NRG3: variants seen among roughly 807,000 people sequenced by gnomAD.
NRG3 encodes the protein pro-neuregulin-3, membrane-bound isoform.
Under a neutral mutation model 66.9 loss-of-function variants are expected in NRG3, and 31 were observed. That is an observed-to-expected ratio of 0.46 (90% confidence interval 0.35 to 0.63). NRG3 has a LOEUF of 0.63. Among genes scored for constraint, NRG3 ranks in the 20% least tolerant of loss-of-function variants. The pLI is 0.00. For synonymous variants in NRG3, 393 were observed against 359.4 expected (o/e 1.09, Z -1.06); for missense variants, 910 against 878.9 (o/e 1.04, Z -0.45).
intron 2 of NRG3, among the ~76,000 whole-genome samples, chr10:82,628,406 A>G (rs945306866): frequency 6.6e-6 from 1 of 152,176 alleles, no homozygotes; most frequent in South Asian, 2.1e-4. Context: ...GCCGTGGAGT[A>G]TAAACAGGAT....
chr10:81,942,655 T>C (rs189455333), intron 1 of NRG3, among the ~76,000 whole-genome samples: 226 of 152,272 alleles, frequency 1.5e-3, no homozygotes, highest in African/African-American at 5.3e-3. Context: ...TTGAGCCCCT[T>C]ATCTTTCCTC....
intron 1 of NRG3, among the ~76,000 whole-genome samples, chr10:82,156,829 A>T (rs903350591): frequency 6.6e-6 from 1 of 151,718 alleles, no homozygotes; most frequent in East Asian, 1.9e-4. Flanking sequence ...TGAAGCTCCC[A>T]TACAAATAAG....
At chr10:82,644,636 G>C (rs2050811017) in intron 2 of NRG3, among the ~76,000 whole-genome samples, 1 of 152,066 alleles carries the variant, frequency 6.6e-6, no homozygotes, top group South Asian at 2.1e-4. Context: ...GCAAATAGAG[G>C]CAAAATTTGT....
intron 1 of NRG3, among the ~76,000 whole-genome samples, chr10:82,095,655 C>G (rs2066291977): frequency 6.6e-6 from 1 of 152,150 alleles, no homozygotes; most frequent in African/African-American, 2.4e-5. Flanking sequence ...GGGAAAGGAC[C>G]AGTGAAGTGG....
chr10:82,120,636 A>C (rs2068026565), intron 1 of NRG3, among the ~76,000 whole-genome samples: 1 of 152,144 alleles, frequency 6.6e-6, no homozygotes, highest in Non-Finnish European at 1.5e-5. Context: ...TTTCAATTGT[A>C]CTGTCTACAA....
chr10:82,638,647 CTT>C (rs879678205), intron 2 of NRG3, among the ~76,000 whole-genome samples: 1 of 145,678 alleles, frequency 6.9e-6, no homozygotes, highest in Non-Finnish European at 1.5e-5. Flanking sequence ...CTGAAATACA[CTT>C]TTTTTTTTTT....
At chr10:82,303,791 C>T (rs1475309059) in intron 1 of NRG3, among the ~76,000 whole-genome samples, 2 of 151,900 alleles carry the variant, frequency 1.3e-5, no homozygotes, top group Admixed American at 6.6e-5. Context: ...TGCTTGAACC[C>T]GGGAGGCAGA....
At chr10:82,432,474 A>AT (rs982416317) in intron 2 of NRG3, among the ~76,000 whole-genome samples, 14 of 140,578 alleles carry the variant, frequency 1.0e-4, no homozygotes, top group South Asian at 4.4e-4. Context: ...TATACACCAC[A>AT]TTTTTTTTCT....
chr10:82,621,915 T>C (rs909236828), intron 2 of NRG3, among the ~76,000 whole-genome samples: 3 of 152,308 alleles, frequency 2.0e-5, no homozygotes, highest in South Asian at 2.1e-4. Context: ...GTAGAAACCA[T>C]GTAATAACCG....
chr10:82,315,032 G>A (rs2081223909), intron 1 of NRG3, among the ~76,000 whole-genome samples: 1 of 151,998 alleles, frequency 6.6e-6, no homozygotes, highest in Non-Finnish European at 1.5e-5. Flanking sequence ...ATATTTACCT[G>A]AATTATGGTA....
chr10:82,062,114 A>T (rs544840400), intron 1 of NRG3, among the ~76,000 whole-genome samples: 1 of 152,218 alleles, frequency 6.6e-6, no homozygotes, highest in African/African-American at 2.4e-5. Context: ...GTGTCAGCAG[A>T]ACTGGGGGTG....
chr10:82,784,153 A>C (rs1356930478), intron 3 of NRG3, among the ~76,000 whole-genome samples: 2 of 152,174 alleles, frequency 1.3e-5, no homozygotes, highest in East Asian at 3.9e-4. Context: ...CTGGCTAGCC[A>C]TATGTAGAAA....
intron 1 of NRG3, among the ~76,000 whole-genome samples, chr10:82,200,809 A>G (rs573558655): frequency 6.6e-6 from 1 of 152,192 alleles, no homozygotes; most frequent in African/African-American, 2.4e-5. Context: ...TTTCAGAAAA[A>G]GGGCTTGCAA....
rs980733772 is a variant in NRG3 at position 82,728,570 on chromosome 10, T to G, written c.954-10007T>G. On this transcript the variant is annotated intron_variant, in intron 2 of 8. Transcript: ENST00000372141. ...ACTGTAAGTCCATTAAACCTCTTTC[T>G]TTTGTAAATTTCCCAGTCTTGGGTA... Among the ~76,000 whole-genome samples, 8 of 152,324 alleles carry G rather than the reference T, an allele frequency of 5.3e-5. No individual in the cohort carries two copies. The South Asian group carries it at 8.3e-4, about 16-fold the overall frequency.
intron 1 of NRG3, among the ~76,000 whole-genome samples, chr10:82,256,202 G>A (rs190541874): frequency 4.7e-4 from 72 of 152,022 alleles, no homozygotes; most frequent in Non-Finnish European, 8.7e-4. Context: ...GATTACAGGC[G>A]TGAGCCACTG....
intron 3 of NRG3, among the ~76,000 whole-genome samples, chr10:82,743,259 T>C (rs1029913648): frequency 6.6e-6 from 1 of 152,214 alleles, no homozygotes; most frequent in Middle Eastern, 3.4e-3. Context: ...GGAGCATCAC[T>C]TCCATCATGT....
intron 1 of NRG3, among the ~76,000 whole-genome samples, chr10:82,198,558 G>T (rs981067541): frequency 1.3e-5 from 2 of 152,102 alleles, no homozygotes; most frequent in African/African-American, 4.8e-5. Flanking sequence ...ATCAACCTAG[G>T]TTAATTGGGA....
intron 3 of NRG3, among the ~76,000 whole-genome samples, chr10:82,849,140 C>T (rs1405762264): frequency 6.6e-6 from 1 of 152,020 alleles, no homozygotes; most frequent in African/African-American, 2.4e-5. Flanking sequence ...ATATCCTTAT[C>T]AAAAGGGGAA....
intron 2 of NRG3, among the ~76,000 whole-genome samples, chr10:82,678,875 G>T (rs1034539427): frequency 1.7e-4 from 26 of 152,132 alleles, no homozygotes; most frequent in Admixed American, 6.5e-5. Context: ...CTGGGATCAT[G>T]TCTTCCTTGA....
Sources: gnomAD v4.1 joint callset for allele counts (sites outside exome capture counted in the v4.1 genomes callset) on GRCh38, gnomAD v4.1.1 for gene constraint, MANE v1.5 for transcripts, NCBI Gene and HGNC (gene_info 2026-07-23, HGNC 2026-07-21) for gene names.